The following KCNJ6 variants were observed in gnomAD, a reference collection of about 807,000 sequenced individuals.
KCNJ6 encodes the protein G protein-activated inward rectifier potassium channel 2.
KCNJ6 carries 9 observed loss-of-function variants against 34.2 expected under a neutral mutation model. The observed-to-expected ratio is 0.26, with a 90% CI of 0.16 to 0.46. The LOEUF is 0.46. Ranked by LOEUF, KCNJ6 falls within the 20% of genes least tolerant of loss-of-function variation. KCNJ6 has a pLI of 1.00. For missense variants in KCNJ6, 236 were observed against 531.3 expected (o/e 0.44, Z 5.46); for synonymous variants, 196 against 207.1 (o/e 0.95, Z 0.46).
intron 2 of KCNJ6, among the ~76,000 whole-genome samples, chr21:37,833,161 T>G (rs2055435102): frequency 6.6e-6 from 1 of 152,162 alleles, no homozygotes. Flanking sequence ...ATTACAGGCA[T>G]GTGCCAACAT....
intron 1 of KCNJ6, among the ~76,000 whole-genome samples, chr21:37,877,362 TG>T (rs1191368001): frequency 6.6e-6 from 1 of 152,194 alleles, no homozygotes; most frequent in Non-Finnish European, 1.5e-5. Flanking sequence ...ACTGACCGCA[TG>T]AGAACATTCC....
At chr21:37,693,021 C>A (rs858009) in intron 3 of KCNJ6, among the ~76,000 whole-genome samples, 22,454 of 152,134 alleles carry the variant, frequency 0.15, 1,916 homozygotes, top group East Asian at 0.37. Context: ...GTGACTGCCG[C>A]ACCCTGTGTA....
At chr21:37,854,182 TA>T (rs1043105521) in intron 1 of KCNJ6, among the ~76,000 whole-genome samples, 1 of 151,202 alleles carries the variant, frequency 6.6e-6, no homozygotes, top group South Asian at 2.1e-4. Context: ...TACATATCAT[TA>T]AAAAAAACTC....
intron 2 of KCNJ6, among the ~76,000 whole-genome samples, chr21:37,790,009 G>A (rs1419678523): frequency 6.6e-6 from 1 of 152,180 alleles, no homozygotes; most frequent in Admixed American, 6.5e-5. Context: ...GCAGGATGGG[G>A]AAGGATCATC....
intron 2 of KCNJ6, among the ~76,000 whole-genome samples, chr21:37,768,951 T>C (rs2055104217): frequency 1.3e-5 from 2 of 152,248 alleles, no homozygotes; most frequent in Non-Finnish European, 2.9e-5. Flanking sequence ...GAAGTTTACC[T>C]GCATGCAGGT....
intron 3 of KCNJ6, among the ~76,000 whole-genome samples, chr21:37,645,298 G>A (rs1271973574): frequency 6.6e-6 from 1 of 152,066 alleles, no homozygotes. Context: ...CCCAGAGGTC[G>A]AGGCTGTGGT....
chr21:37,634,700 C>A (rs1035858545), intron 3 of KCNJ6, among the ~76,000 whole-genome samples: 5 of 151,822 alleles, frequency 3.3e-5, no homozygotes, highest in African/African-American at 9.7e-5. Context: ...AAATATACCA[C>A]TTTTATGAAG....
chr21:37,747,438 C>T (rs551980261), intron 2 of KCNJ6, among the ~76,000 whole-genome samples: 22 of 152,294 alleles, frequency 1.4e-4, no homozygotes, highest in African/African-American at 5.3e-4. Context: ...AAGGGAGGGG[C>T]CCCTAAGACC....
At chr21:37,855,057 G>A (rs1481554622) in intron 1 of KCNJ6, among the ~76,000 whole-genome samples, 2 of 152,170 alleles carry the variant, frequency 1.3e-5, no homozygotes, top group Non-Finnish European at 2.9e-5. Flanking sequence ...CAGAATACAC[G>A]TTCTTTCCAA....
At chr21:37,712,199 C>A (rs1219729502) in intron 3 of KCNJ6, among the ~76,000 whole-genome samples, 1 of 152,178 alleles carries the variant, frequency 6.6e-6, no homozygotes, top group Non-Finnish European at 1.5e-5. Flanking sequence ...CCAGAGGGTA[C>A]GTCTCCAGTG....
intron 3 of KCNJ6, among the ~76,000 whole-genome samples, chr21:37,625,799 G>A (rs777515614): frequency 1.2e-4 from 18 of 152,250 alleles, no homozygotes; most frequent in Non-Finnish European, 2.5e-4. Flanking sequence ...GCATGGCTAT[G>A]TCTGGTCCAC....
chr21:37,611,922 G>A lies in KCNJ6; in HGVS notation c.*13237C>T, dbSNP rs542395500. 7 of 151,650 alleles carry A rather than the reference G, an allele frequency of 4.6e-5. No individual in the cohort carries two copies. In the South Asian group the frequency reaches 1.5e-3, roughly 32 times the overall value. The allele number at this position is 151,650 out of a possible 1,614,324, so 9.4% of individuals were successfully genotyped here. On this transcript the variant is annotated 3_prime_UTR_variant, in exon 4 of 4. Transcript: ENST00000609713. ...CCTGAAGCTGTCTCACTAAGATCAG[G>A]AAAAAAAAGGTGTCCCCATCACTAC... is the stretch of plus-strand genomic sequence containing the variant.
chr21:37,868,929 G>T (rs1303891977), intron 1 of KCNJ6, among the ~76,000 whole-genome samples: 1 of 152,244 alleles, frequency 6.6e-6, no homozygotes, highest in Non-Finnish European at 1.5e-5. Context: ...CTCTCAAGCT[G>T]TGTGTTTGGT....
chr21:37,914,444 G>A (rs568928412), intron 1 of KCNJ6, among the ~76,000 whole-genome samples: 1 of 152,246 alleles, frequency 6.6e-6, no homozygotes, highest in East Asian at 1.9e-4. Flanking sequence ...GGTTTCAGGG[G>A]CACCCGGCCA....
At chr21:37,857,005 C>T (rs1461953031) in intron 1 of KCNJ6, among the ~76,000 whole-genome samples, 8 of 152,000 alleles carry the variant, frequency 5.3e-5, no homozygotes, top group East Asian at 1.9e-4. Flanking sequence ...CTTGAGGTGC[C>T]GATACTCCAA....
At chr21:37,641,395 A>G (rs569260740) in intron 3 of KCNJ6, among the ~76,000 whole-genome samples, 52 of 152,244 alleles carry the variant, frequency 3.4e-4, no homozygotes, top group Non-Finnish European at 6.8e-4. Context: ...CCTCGGATTC[A>G]TTGGATGTAT....
chr21:37,610,803 A>G lies in KCNJ6; in HGVS notation c.*14356T>C, dbSNP rs1166063448. ...AAATATTTTGAAATAAATGAAAATA[A>G]AAACATAGCTTATTATAATTTGTGG... On this transcript the variant is annotated 3_prime_UTR_variant, in exon 4 of 4. Coordinates refer to ENST00000609713, the MANE Select transcript of KCNJ6 (RefSeq NM_002240.5). The G allele has an allele frequency of 6.6e-6, 1 of 152,086 alleles. No individual in the cohort carries two copies. The highest frequency in any genetic ancestry group is 2.4e-5 in the African/African-American group (1 of 41,444). The allele number at this position is 152,086 out of a possible 1,614,324, so 9.4% of individuals were successfully genotyped here.
intron 3 of KCNJ6, among the ~76,000 whole-genome samples, chr21:37,691,994 T>G (rs1338912337): frequency 6.6e-6 from 1 of 152,184 alleles, no homozygotes; most frequent in African/African-American, 2.4e-5. Flanking sequence ...CAGTTTGGGA[T>G]GTCGTGGCAT....
At chr21:37,903,645 G>T (rs985464189) in intron 1 of KCNJ6, among the ~76,000 whole-genome samples, 3 of 151,944 alleles carry the variant, frequency 2.0e-5, no homozygotes, top group Non-Finnish European at 4.4e-5. Context: ...AGACACACAG[G>T]GCTCCTCACT....
Sources: allele counts gnomAD v4.1 joint callset (sites outside exome capture counted in the v4.1 genomes callset), GRCh38; gene constraint gnomAD v4.1.1; transcripts MANE v1.5; gene names NCBI Gene and HGNC (gene_info 2026-07-23, HGNC 2026-07-21).